The following PREX2 variants were observed in gnomAD, a reference collection of about 807,000 sequenced individuals.
PREX2 encodes the protein phosphatidylinositol 3,4,5-trisphosphate-dependent Rac exchanger 2 protein.
PREX2 carries 107 observed loss-of-function variants against 203.2 expected under a neutral mutation model. That is an observed-to-expected ratio of 0.53 (90% confidence interval 0.45 to 0.62). The LOEUF (loss-of-function observed/expected upper bound fraction) is 0.62, where lower values mean the gene tolerates loss of function less well. Among genes scored for constraint, PREX2 ranks in the 20% least tolerant of loss-of-function variants. The pLI, the probability that PREX2 is intolerant of heterozygous loss-of-function variation, is 0.00. For synonymous variants in PREX2, 672 were observed against 663.6 expected, an observed-to-expected ratio of 1.01 and a Z score of -0.19; for missense variants, 1,777 against 1,955.9, an observed-to-expected ratio of 0.91 and a Z score of 1.72.
chr8:68,114,977 T>C (rs926647131), intron 25 of PREX2, among the ~76,000 whole-genome samples: 8 of 151,980 alleles, frequency 5.3e-5, no homozygotes, highest in African/African-American at 2.4e-5. Flanking sequence ...CTTTAAAGAT[T>C]ACTGAGTATT....
chr8:68,156,229 T>G (rs1282140998), intron 34 of PREX2, among the ~76,000 whole-genome samples: 2 of 149,938 alleles, frequency 1.3e-5, no homozygotes, highest in Non-Finnish European at 2.9e-5. Flanking sequence ...CCAGGCTAAT[T>G]TTTTAACTTT....
intron 35 of PREX2, among the ~76,000 whole-genome samples, chr8:68,170,466 A>G (rs1375392616): frequency 6.6e-6 from 1 of 152,196 alleles, no homozygotes; most frequent in Non-Finnish European, 1.5e-5. Flanking sequence ...AGAGACAGGC[A>G]CCTGGAGAGC....
intron 23 of PREX2, chr8:68,100,306 C>A: frequency 2.3e-6 from 1 of 427,454 alleles, no homozygotes; most frequent in Non-Finnish European, 4.6e-6. Context: ...CCTCTATGTG[C>A]CAAGTACTGT....
At chr8:68,191,154 G>T (rs1390148220) in intron 35 of PREX2, among the ~76,000 whole-genome samples, 1 of 152,098 alleles carries the variant, frequency 6.6e-6, no homozygotes. Flanking sequence ...TAATAAAAAA[G>T]AGCCATTGAA....
intron 37 of PREX2, among the ~76,000 whole-genome samples, chr8:68,214,452 C>T (rs1812796507): frequency 1.3e-5 from 2 of 152,166 alleles, no homozygotes; most frequent in South Asian, 4.1e-4. Context: ...TTAATATGCT[C>T]CTTTCTTTCT....
intron 37 of PREX2, among the ~76,000 whole-genome samples, chr8:68,212,671 G>A (rs1812761588): frequency 6.6e-6 from 1 of 151,976 alleles, no homozygotes; most frequent in South Asian, 2.1e-4. Context: ...CATACTCTTT[G>A]CCTCTTCAAA....
chr8:67,982,260 TA>T (rs1227884030), intron 1 of PREX2, among the ~76,000 whole-genome samples: 1 of 151,852 alleles, frequency 6.6e-6, no homozygotes, highest in African/African-American at 2.4e-5. Context: ...CCTGTCTCTA[TA>T]AAAATTTAAA....
At chr8:68,015,568 T>C (rs371634271) in intron 1 of PREX2, among the ~76,000 whole-genome samples, 4 of 152,226 alleles carry the variant, frequency 2.6e-5, no homozygotes, top group African/African-American at 9.6e-5. Flanking sequence ...CTGAGTTCAG[T>C]TTATGAAGAA....
chr8:68,188,494 G>A (rs1211875511), intron 35 of PREX2, among the ~76,000 whole-genome samples: 2 of 152,140 alleles, frequency 1.3e-5, no homozygotes, highest in Non-Finnish European at 2.9e-5. Context: ...GATGCCCAAA[G>A]GAATGCCATT....
chr8:68,067,331 A>G (rs1422979775), intron 11 of PREX2, among the ~76,000 whole-genome samples: 1 of 152,120 alleles, frequency 6.6e-6, no homozygotes, highest in Non-Finnish European at 1.5e-5. Context: ...TTTTAACAAT[A>G]TTAATTCTTC....
chr8:68,170,451 C>T (rs1190966350), intron 35 of PREX2, among the ~76,000 whole-genome samples: 1 of 152,230 alleles, frequency 6.6e-6, no homozygotes, highest in Non-Finnish European at 1.5e-5. Flanking sequence ...TGTGGAAACA[C>T]GAACAGAGAC....
At chr8:68,210,786 C>T (rs1280346209) in intron 37 of PREX2, among the ~76,000 whole-genome samples, 1 of 152,120 alleles carries the variant, frequency 6.6e-6, no homozygotes, top group Admixed American at 6.5e-5. Flanking sequence ...AAATGACCAA[C>T]TGTAGGAGGC....
intron 34 of PREX2, among the ~76,000 whole-genome samples, chr8:68,156,619 C>T (rs1811548639): frequency 6.6e-6 from 1 of 152,088 alleles, no homozygotes; most frequent in Non-Finnish European, 1.5e-5. Flanking sequence ...ACAGGTATAC[C>T]TCATGTATAC....
intron 17 of PREX2, among the ~76,000 whole-genome samples, chr8:68,081,370 T>C (rs1055704876): frequency 2.6e-5 from 4 of 152,160 alleles, no homozygotes; most frequent in African/African-American, 9.6e-5. Flanking sequence ...CTGTCAGGCC[T>C]TGGACCCATA....
chr8:68,041,823 C>T (rs1808205978), intron 7 of PREX2, among the ~76,000 whole-genome samples: 2 of 151,980 alleles, frequency 1.3e-5, no homozygotes, highest in Non-Finnish European at 1.5e-5. Context: ...TTTATCTATG[C>T]CTGCCATCAA....
chr8:68,205,574 A>G (rs1254928679), intron 37 of PREX2, among the ~76,000 whole-genome samples: 3 of 152,248 alleles, frequency 2.0e-5, no homozygotes, highest in Non-Finnish European at 2.9e-5. Flanking sequence ...AACAGACTGC[A>G]TTAGTCCTCA....
intron 35 of PREX2, among the ~76,000 whole-genome samples, chr8:68,188,451 A>C (rs955049614): frequency 6.6e-6 from 1 of 152,252 alleles, no homozygotes; most frequent in African/African-American, 2.4e-5. Context: ...AGAAGATTTA[A>C]TAGATCGAAA....
chr8:68,157,653 A>G (rs1332609716), intron 35 of PREX2, among the ~76,000 whole-genome samples: 1 of 152,090 alleles, frequency 6.6e-6, no homozygotes, highest in Non-Finnish European at 1.5e-5. Flanking sequence ...TTTTTATGCA[A>G]ATTTAAAAAT....
chr8:68,198,945 T>C (rs548073859), intron 37 of PREX2, among the ~76,000 whole-genome samples: 141 of 152,366 alleles, frequency 9.3e-4, no homozygotes, highest in Middle Eastern at 3.4e-3. Context: ...ATGCTCTGAA[T>C]AGTGTGTGAT....
Sources: gnomAD v4.1 joint callset for allele counts (sites outside exome capture counted in the v4.1 genomes callset) on GRCh38, gnomAD v4.1.1 for gene constraint, MANE v1.5 for transcripts, NCBI Gene and HGNC (gene_info 2026-07-23, HGNC 2026-07-21) for gene names.